RANBP2: variants seen among roughly 807,000 people sequenced by gnomAD.
The protein encoded by RANBP2 is E3 SUMO-protein ligase RanBP2.
In RANBP2, 57 loss-of-function variants were observed where a neutral mutation model predicts 303.6. The ratio of observed to expected loss-of-function variants is 0.19; its 90% confidence interval spans 0.15 to 0.23. The LOEUF (loss-of-function observed/expected upper bound fraction) is 0.23, where lower values mean the gene tolerates loss of function less well. RANBP2 is among the 10% of genes least tolerant of loss of function. The pLI, the probability that RANBP2 is intolerant of heterozygous loss-of-function variation, is 1.00. For synonymous variants in RANBP2, 1,167 were observed against 1,301.5 expected (o/e 0.90, Z 2.23); for missense variants, 3,138 against 3,780.8 (o/e 0.83, Z 4.46).
At chr2:109,653,480 C>G in the RANBP2 span, among the ~76,000 whole-genome samples, 5 of 152,032 alleles carry the variant, frequency 3.3e-5, no homozygotes, top group African/African-American at 1.2e-4. Context: ...GCTGGCAGTG[C>G]TGCTGGCTGC....
chr2:108,778,262 C>T (rs928536254), intron 25 of RANBP2, among the ~76,000 whole-genome samples: 7 of 152,176 alleles, frequency 4.6e-5, no homozygotes, highest in Admixed American at 1.3e-4. Flanking sequence ...CTAAATAAGC[C>T]TTATGCATTA....
chr2:109,423,472 G>A, the RANBP2 span, among the ~76,000 whole-genome samples: 1 of 152,182 alleles, frequency 6.6e-6, no homozygotes, highest in Non-Finnish European at 1.5e-5. Context: ...ACAGGAAAAG[G>A]ACTGCTGACC....
the RANBP2 span, among the ~76,000 whole-genome samples, chr2:108,994,792 G>T: frequency 1.5e-5 from 1 of 64,808 alleles, no homozygotes; most frequent in African/African-American, 6.4e-5. Flanking sequence ...CTGTGCATTG[G>T]GTTATATATA....
the RANBP2 span, among the ~76,000 whole-genome samples, chr2:109,291,493 C>T: frequency 3.3e-5 from 5 of 152,122 alleles, no homozygotes; most frequent in African/African-American, 7.2e-5. Flanking sequence ...CAGGGGCCTT[C>T]GGGCACGTGC....
chr2:109,669,600 T>C, the RANBP2 span, among the ~76,000 whole-genome samples: 21 of 152,250 alleles, frequency 1.4e-4, no homozygotes, highest in Non-Finnish European at 2.4e-4. Flanking sequence ...GAACTAGAAT[T>C]CAGAACGGCC....
chr2:108,999,298 C>T, the RANBP2 span, among the ~76,000 whole-genome samples: 1 of 152,212 alleles, frequency 6.6e-6, no homozygotes, highest in Non-Finnish European at 1.5e-5. Context: ...TGGAGCTTTG[C>T]ATGTTAAGTA....
In RANBP2 at chr2:108,765,293, A is replaced by G. The variant is rs773997257; in HGVS notation, c.4754A>G (p.Lys1585Arg). 1.9e-6 allele frequency: 3 copies of G among 1,614,032 alleles called. No homozygotes were observed. In the South Asian group the frequency reaches 3.3e-5, roughly 18 times the overall value. Residue 1585 changes from lysine to arginine, a missense_variant, in exon 20 of 29, where the codon AAG becomes AGG. Physicochemically the swap from Lys to Arg is conservative, Grantham distance 26. Around this residue, in one of 20 missense-constraint regions of RANBP2, gnomAD observed 28 missense variants for 43.2 expected, o/e 0.65. Transcript: ENST00000283195. ...STSVPAPASF[K>R]FGTSETSKAP... ...TCTGTTCCAGCTCCTGCCTCTTTTA[A>G]GTTTGGTACTTCAGAGACAAGCAAG...
chr2:108,870,707 A>C, the RANBP2 span, among the ~76,000 whole-genome samples: 2 of 152,254 alleles, frequency 1.3e-5, no homozygotes, highest in Non-Finnish European at 2.9e-5. Context: ...ACATTATGCT[A>C]AATGAAATAA....
the RANBP2 span, among the ~76,000 whole-genome samples, chr2:109,030,181 G>C: frequency 3.3e-5 from 5 of 152,252 alleles, no homozygotes; most frequent in East Asian, 9.7e-4. Flanking sequence ...CTGATCCTCA[G>C]CCTTCATTTT....
At chr2:108,761,959 T>G (rs1191456636) in intron 18 of RANBP2, 142 bp from the exon 19 acceptor site, 2 of 654,644 alleles carry the variant, frequency 3.1e-6, no homozygotes, top group Non-Finnish European at 5.1e-6. Flanking sequence ...TGGTGTATTT[T>G]GATGTACAGA....
At chr2:109,715,178 G>A in the RANBP2 span, among the ~76,000 whole-genome samples, 4 of 149,844 alleles carry the variant, frequency 2.7e-5, no homozygotes, top group African/African-American at 9.8e-5. Flanking sequence ...TGTTTGTCAA[G>A]CTGGTCTCGA....
chr2:109,605,156 G>A, the RANBP2 span, among the ~76,000 whole-genome samples: 367 of 152,286 alleles, frequency 2.4e-3, 2 homozygotes, highest in Non-Finnish European at 4.7e-3. Context: ...ACTGATAAGA[G>A]CATTAAAGAT....
intron 12 of RANBP2, among the ~76,000 whole-genome samples, chr2:108,752,317 T>A (rs866114): frequency 0.26 from 39,581 of 151,702 alleles, 5,554 homozygotes; most frequent in African/African-American, 0.36. Context: ...GATCTTTCTA[T>A]ATACTTAAGG....
In RANBP2 at chr2:108,764,922, G is replaced by C; in HGVS notation, c.4383G>C (p.Gln1461His). The C allele has an allele frequency of 6.2e-7, 1 of 1,613,994 alleles. No individual in the cohort carries two copies. Among genetic ancestry groups the C allele is most frequent in the South Asian group, 1.1e-5 (1 of 91,074 alleles). The change falls in exon 20 of 29, where the codon CAG becomes CAC. Residue 1461 changes from glutamine (Q) to histidine (H), a missense_variant. Transcript: ENST00000283195. ...FVHQASFKFG[Q>H]GDLPKPINSD... The stretch of plus-strand genomic sequence containing the variant: ...ATCAAGCTTCATTTAAATTTGGCCA[G>C]GGAGATCTTCCTAAACCTATTAACA...
At chr2:108,946,130 C>T in the RANBP2 span, among the ~76,000 whole-genome samples, 1 of 152,190 alleles carries the variant, frequency 6.6e-6, no homozygotes, top group Admixed American at 6.5e-5. Flanking sequence ...TCCTGGCAGT[C>T]GTCCACACCC....
the RANBP2 span, among the ~76,000 whole-genome samples, chr2:109,410,809 G>A: frequency 2.4e-4 from 36 of 152,142 alleles, no homozygotes; most frequent in African/African-American, 6.0e-4. Context: ...GCGCGACTTC[G>A]TGGGAGACAG....
chr2:109,069,299 T>C, the RANBP2 span, among the ~76,000 whole-genome samples: 3 of 152,216 alleles, frequency 2.0e-5, no homozygotes, highest in Admixed American at 6.5e-5. Flanking sequence ...ATCCCAGATG[T>C]TTGATTTGGA....
chr2:109,465,171 G>A, the RANBP2 span, among the ~76,000 whole-genome samples: 3 of 152,144 alleles, frequency 2.0e-5, no homozygotes, highest in Non-Finnish European at 4.4e-5. Flanking sequence ...TTTTAGCACT[G>A]AATAATATTC....
chr2:109,663,802 C>A, the RANBP2 span, among the ~76,000 whole-genome samples: 1 of 152,174 alleles, frequency 6.6e-6, no homozygotes, highest in South Asian at 2.1e-4. Context: ...GTGTTTGAGG[C>A]TAACAAGAAT....
Sources: gnomAD v4.1 joint callset for allele counts (sites outside exome capture counted in the v4.1 genomes callset) on GRCh38, gnomAD v4.1.1 for gene constraint, gnomAD v4.1.1 regional missense constraint, MANE v1.5 for transcripts, NCBI Gene and HGNC (gene_info 2026-07-23, HGNC 2026-07-21) for gene names.